PSMA5: variants seen among roughly 807,000 people sequenced by gnomAD.
PSMA5 encodes the protein proteasome subunit alpha type-5.
PSMA5 carries 3 observed loss-of-function variants against 34.5 expected under a neutral mutation model. The ratio of observed to expected loss-of-function variants is 0.09; its 90% CI spans 0.04 to 0.22. PSMA5 has a LOEUF of 0.22. PSMA5 is among the 10% of genes least tolerant of loss of function. The probability of loss-of-function intolerance (pLI) is 1.00; values close to 1 mark genes in which losing one functional copy is unlikely to be tolerated. For synonymous variants in PSMA5, 88 were observed against 95.8 expected (o/e 0.92, Z 0.47); for missense variants, 120 against 286.1 (o/e 0.42, Z 4.19).
At chr1:109,404,903 A>G (rs1049716398) in intron 8 of PSMA5, among the ~76,000 whole-genome samples, 27 of 152,244 alleles carry the variant, frequency 1.8e-4, no homozygotes, top group African/African-American at 6.5e-4. Context: ...AATATGTTTA[A>G]GAGTGATCTG....
intron 2 of PSMA5, among the ~76,000 whole-genome samples, chr1:109,421,368 C>A (rs191181815): frequency 6.7e-6 from 1 of 150,314 alleles, no homozygotes; most frequent in African/African-American, 2.4e-5. Context: ...GAGGCTGAGG[C>A]AGGAAAATCA....
intron 1 of PSMA5, among the ~76,000 whole-genome samples, chr1:109,425,018 C>G (rs1013723309): frequency 7.8e-5 from 11 of 140,382 alleles, no homozygotes; most frequent in Admixed American, 7.4e-4. Flanking sequence ...GGGGAGGTTG[C>G]AGTGAGCCAA....
rs949053484 is a variant in PSMA5 at position 109,400,541 on chromosome 1, A to T, written c.*1472T>A. The T allele has an allele frequency of 2.6e-5, 4 of 152,236 alleles. No homozygotes were observed. Among genetic ancestry groups the T allele is most frequent in the Admixed American group, 6.5e-5 (1 of 15,282 alleles). 9.4% of individuals were successfully genotyped at this position (152,236 alleles called of 1,614,324 possible). On this transcript the variant is annotated 3_prime_UTR_variant, in exon 9 of 9. Coordinates refer to ENST00000271308, the MANE Select transcript of PSMA5 (RefSeq NM_002790.4). ...GATCTTTAGAGAAACAAATCTCCCC[A>T]TCAACATGCTATACTTAATAAGTGT...
chr1:109,425,328 T>G (rs1409679117), intron 1 of PSMA5: 1 of 152,238 alleles, frequency 6.6e-6, no homozygotes, highest in Non-Finnish European at 1.5e-5. Flanking sequence ...ATACACACCC[T>G]AACTCAAAAT....
chr1:109,404,383 A>C (rs529664259), intron 8 of PSMA5, among the ~76,000 whole-genome samples: 64 of 152,226 alleles, frequency 4.2e-4, no homozygotes, highest in Admixed American at 1.3e-3. Flanking sequence ...CTTGATGATC[A>C]ATGACATGAG....
At position 109,407,984 on chromosome 1, in the gene PSMA5, C is replaced by T. The variant is rs547670222; in HGVS notation, c.648+1944G>A. ...TTTACTCTTCCCTGTCTTCTCATAA[C>T]AACTTTTCCAAATATTTCCCATTCT... On this transcript the variant is annotated intron_variant, in intron 8 of 8. Coordinates refer to ENST00000271308, the MANE Select transcript of PSMA5 (RefSeq NM_002790.4). 5.9e-5 allele frequency among the ~76,000 whole-genome samples: 9 copies of T among 152,206 alleles called. No homozygotes were observed. The South Asian group carries it at 1.4e-3, about 25-fold the overall frequency.
chr1:109,413,163 G>C, intron 3 of PSMA5, 28 bp from the exon 4 acceptor site: 1 of 1,606,050 alleles, frequency 6.2e-7, no homozygotes, highest in Non-Finnish European at 8.5e-7. Context: ...CAGTGACCCA[G>C]TGGCCAAATC....
rs1025561886 is a variant in PSMA5, at chr1:109,399,189, C to T, written c.*2824G>A. The T allele has an allele frequency of 1.3e-5, 2 of 152,094 alleles. No individual in the cohort carries two copies. Among genetic ancestry groups the T allele is most frequent in the East Asian group, 3.8e-4 (2 of 5,202 alleles). 9.4% of individuals were successfully genotyped at this position (152,094 alleles called of 1,614,324 possible). A position where few individuals can be genotyped will look rare whatever the true frequency, so the allele number is the denominator to read the frequency against. The stretch of plus-strand genomic sequence containing the variant: ...TTAACTTTCAAACAAAAAGACTTAA[C>T]GAATTTACAAATTTTTCCAAGACGT... On this transcript the variant is annotated 3_prime_UTR_variant, in exon 9 of 9. Transcript: ENST00000271308.
At chr1:109,422,718 G>T (rs1002311224) in intron 1 of PSMA5, among the ~76,000 whole-genome samples, 1 of 152,096 alleles carries the variant, frequency 6.6e-6, no homozygotes, top group Non-Finnish European at 1.5e-5. Context: ...TGATCCACCC[G>T]CCTCGGCCTC....
chr1:109,405,148 G>C (rs1211288979), intron 8 of PSMA5, among the ~76,000 whole-genome samples: 1 of 152,228 alleles, frequency 6.6e-6, no homozygotes, highest in East Asian at 1.9e-4. Context: ...GCTCATGGGA[G>C]ACAGTACGTT....
chr1:109,409,782 T>G, intron 8 of PSMA5, 146 bp downstream of exon 8: 1 of 588,258 alleles, frequency 1.7e-6, no homozygotes, highest in Non-Finnish European at 3.0e-6. Flanking sequence ...AGGCATGGTG[T>G]GTGCACCTGT....
At chr1:109,403,128 G>A (rs1330732213) in intron 8 of PSMA5, among the ~76,000 whole-genome samples, 2 of 152,206 alleles carry the variant, frequency 1.3e-5, no homozygotes, top group South Asian at 2.1e-4. Context: ...ACATTTAAAA[G>A]CAACAACAAC....
chr1:109,424,525 C>T (rs1246584203), intron 1 of PSMA5, among the ~76,000 whole-genome samples: 1 of 152,182 alleles, frequency 6.6e-6, no homozygotes, highest in African/African-American at 2.4e-5. Context: ...CGCCTGTAAT[C>T]CCAGCACTTT....
At chr1:109,420,544 C>T (rs1324774985) in intron 2 of PSMA5, among the ~76,000 whole-genome samples, 1 of 152,196 alleles carries the variant, frequency 6.6e-6, no homozygotes, top group Non-Finnish European at 1.5e-5. Flanking sequence ...CCTTCTAACT[C>T]TGAAACTACA....
In PSMA5 at chr1:109,399,949, T is replaced by C. The variant is rs1000720065; in HGVS notation, c.*2064A>G. ...GTACCTTTCTCCAGGAAACATTCTA[T>C]AGCAGAAAGATAACATAAAGCAATT... is the stretch of plus-strand genomic sequence containing the variant. On this transcript the variant is annotated 3_prime_UTR_variant, in exon 9 of 9. Transcript: ENST00000271308. The C allele has an allele frequency of 1.3e-5, 2 of 152,228 alleles. No homozygotes were observed. The highest frequency in any genetic ancestry group is 2.9e-5 in the Non-Finnish European group (2 of 68,042). The allele number at this position is 152,228 out of a possible 1,614,324, so 9.4% of individuals were successfully genotyped here.
intron 7 of PSMA5, among the ~76,000 whole-genome samples, chr1:109,410,216 A>C (rs2100960171): frequency 6.6e-6 from 1 of 152,302 alleles, no homozygotes; most frequent in East Asian, 1.9e-4. Context: ...AAAAACCCCC[A>C]AACCTTATTG....
chr1:109,422,355 C>A (rs1654476649), intron 1 of PSMA5, among the ~76,000 whole-genome samples: 3 of 152,176 alleles, frequency 2.0e-5, no homozygotes, highest in Admixed American at 2.0e-4. Flanking sequence ...CTCTTCTTTC[C>A]ATTCTCAATG....
chr1:109,424,753 C>T (rs980856200), intron 1 of PSMA5, among the ~76,000 whole-genome samples: 1 of 152,202 alleles, frequency 6.6e-6, no homozygotes, highest in African/African-American at 2.4e-5. Flanking sequence ...CTTTGGGAGG[C>T]CAAGGCAGGT....
At chr1:109,424,528 A>G (rs1404056909) in intron 1 of PSMA5, among the ~76,000 whole-genome samples, 2 of 152,026 alleles carry the variant, frequency 1.3e-5, no homozygotes, top group African/African-American at 2.4e-5. Flanking sequence ...CTGTAATCCC[A>G]GCACTTTGGG....
Sources: gnomAD v4.1 joint callset for allele counts (sites outside exome capture counted in the v4.1 genomes callset) on GRCh38, gnomAD v4.1.1 for gene constraint, MANE v1.5 for transcripts, NCBI Gene and HGNC (gene_info 2026-07-23, HGNC 2026-07-21) for gene names.